The following TRHDE variants were observed in gnomAD, a reference collection of about 807,000 sequenced individuals.
TRHDE encodes the protein thyrotropin releasing hormone degrading enzyme.
In TRHDE, 72 loss-of-function variants were observed where a neutral mutation model predicts 125.7. The ratio of observed to expected loss-of-function variants is 0.57; its 90% confidence interval spans 0.47 to 0.70. The LOEUF is 0.70. Ranked by LOEUF, TRHDE falls within the 30% of genes least tolerant of loss-of-function variation. The pLI, the probability that TRHDE is intolerant of heterozygous loss-of-function variation, is 0.00. For synonymous variants in TRHDE, 509 were observed against 509.1 expected (o/e 1.00, Z 0.00); for missense variants, 1,110 against 1,327.1 (o/e 0.84, Z 2.54).
intron 3 of TRHDE, among the ~76,000 whole-genome samples, chr12:72,433,247 T>C (rs1460103652): frequency 1.3e-5 from 2 of 152,166 alleles, no homozygotes; most frequent in African/African-American, 4.8e-5. Context: ...GAGATGTTGA[T>C]CTATACATTT....
Position 72,212,137 on chromosome 12 carries a change from AT to A in TRHDE, n.279+106393del, listed in dbSNP as rs910166575. Among the ~76,000 whole-genome samples the A allele has an allele frequency of 9.9e-5, 15 of 151,404 alleles. No individual in the cohort carries two copies. In the East Asian group the frequency reaches 1.5e-3, roughly 16 times the overall value. ...TAGAATTATGAATGTATTTTGTTTTATTTTTTTTCATGTACATATTTTCTGA... is the reference window on the plus strand; with the variant it reads ...TAGAATTATGAATGTATTTTGTTTTATTTTTTTCATGTACATATTTTCTGA... On this transcript the variant is annotated intron_variant and non_coding_transcript_variant, in intron 2 of 4. Coordinates refer to the TRHDE transcript ENST00000548156.
intron 8 of TRHDE, 53 bp downstream of exon 8, chr12:72,562,283 C>A: frequency 2.1e-6 from 2 of 956,054 alleles, no homozygotes; most frequent in Non-Finnish European, 3.2e-6. Flanking sequence ...ATTTGAATTG[C>A]ATTTATAAGA....
At chr12:72,541,198 T>G (rs1345606137) in intron 6 of TRHDE, among the ~76,000 whole-genome samples, 1 of 151,596 alleles carries the variant, frequency 6.6e-6, no homozygotes, top group East Asian at 1.9e-4. Flanking sequence ...TGTGTAGTCA[T>G]AAAGCAATTT....
intron 7 of TRHDE, among the ~76,000 whole-genome samples, chr12:72,543,291 T>G: frequency 6.6e-6 from 1 of 151,526 alleles, no homozygotes; most frequent in East Asian, 1.9e-4. Context: ...TGACAAACTC[T>G]CTCTCTATAC....
intron 15 of TRHDE, among the ~76,000 whole-genome samples, chr12:72,625,695 A>G (rs1417085022): frequency 6.6e-6 from 1 of 151,786 alleles, no homozygotes; most frequent in Non-Finnish European, 1.5e-5. Context: ...TTTTTATTTT[A>G]CCAAAACCAA....
chr12:72,225,353 C>T (rs531555947), intron 2 of TRHDE, among the ~76,000 whole-genome samples: 28 of 152,102 alleles, frequency 1.8e-4, no homozygotes, highest in Non-Finnish European at 3.4e-4. Context: ...ATATTTATCA[C>T]CATTATGTAT....
intron 3 of TRHDE, among the ~76,000 whole-genome samples, chr12:72,427,201 A>G (rs889526742): frequency 2.0e-5 from 3 of 151,954 alleles, no homozygotes; most frequent in African/African-American, 7.3e-5. Flanking sequence ...TAGTTTGCCA[A>G]CCCCTGATCT....
At chr12:72,633,776 A>G (rs1164111392) in intron 15 of TRHDE, among the ~76,000 whole-genome samples, 1 of 152,128 alleles carries the variant, frequency 6.6e-6, no homozygotes, top group Non-Finnish European at 1.5e-5. Flanking sequence ...ATACTAGTAA[A>G]GTTAGGTGGG....
intron 12 of TRHDE, among the ~76,000 whole-genome samples, chr12:72,611,810 T>C (rs969161146): frequency 2.0e-4 from 30 of 152,318 alleles, no homozygotes; most frequent in African/African-American, 7.0e-4. Flanking sequence ...AATTTACCTC[T>C]TAATAGAATG....
At chr12:72,380,877 T>TCCTTC (rs1247464082) in intron 3 of TRHDE, among the ~76,000 whole-genome samples, 26 of 143,172 alleles carry the variant, frequency 1.8e-4, no homozygotes, top group African/African-American at 6.6e-4. Context: ...CTCTCTCTCT[T>TCCTTC]CTTTCTTTCT....
intron 1 of TRHDE, among the ~76,000 whole-genome samples, chr12:72,280,836 C>T (rs1325805403): frequency 6.6e-6 from 1 of 152,194 alleles, no homozygotes; most frequent in African/African-American, 2.4e-5. Flanking sequence ...AGATATTGTT[C>T]CTAAGACTTT....
chr12:72,360,616 T>C (rs1264416005), intron 2 of TRHDE, among the ~76,000 whole-genome samples: 1 of 151,750 alleles, frequency 6.6e-6, no homozygotes, highest in African/African-American at 2.4e-5. Flanking sequence ...GCAGGGCTTG[T>C]ACTGGTAAGA....
intron 3 of TRHDE, among the ~76,000 whole-genome samples, chr12:72,421,417 T>C (rs1482997077): frequency 6.6e-6 from 1 of 152,144 alleles, no homozygotes; most frequent in African/African-American, 2.4e-5. Flanking sequence ...GGTCTCTCCA[T>C]GCGGTTTGAC....
intron 8 of TRHDE, among the ~76,000 whole-genome samples, chr12:72,562,634 A>T (rs529875585): frequency 6.6e-6 from 1 of 152,154 alleles, no homozygotes; most frequent in Admixed American, 6.5e-5. Flanking sequence ...ATGTTATGTA[A>T]AAACTTTAAT....
intron 3 of TRHDE, among the ~76,000 whole-genome samples, chr12:72,418,076 T>C (rs557189501): frequency 1.3e-5 from 2 of 152,180 alleles, no homozygotes; most frequent in East Asian, 1.9e-4. Context: ...TCCTACTTTA[T>C]TAATTCTTGC....
chr12:72,571,036 A>C (rs1870707827), intron 10 of TRHDE, among the ~76,000 whole-genome samples: 1 of 152,200 alleles, frequency 6.6e-6, no homozygotes, highest in Non-Finnish European at 1.5e-5. Context: ...AGAGGCATCT[A>C]AAGGACTGAG....
chr12:72,518,501 G>T (rs1199715637), intron 6 of TRHDE, among the ~76,000 whole-genome samples: 2 of 152,114 alleles, frequency 1.3e-5, no homozygotes, highest in Non-Finnish European at 2.9e-5. Context: ...TTGCTTGGTA[G>T]ATCTTCCTCC....
chr12:72,436,406 AC>A (rs1874747647), intron 3 of TRHDE, among the ~76,000 whole-genome samples: 3 of 151,828 alleles, frequency 2.0e-5, no homozygotes, highest in African/African-American at 7.3e-5. Context: ...TGGTTTTTAG[AC>A]TGATTTGATT....
chr12:72,636,287 T>G (rs1873746963), intron 15 of TRHDE, among the ~76,000 whole-genome samples: 1 of 150,454 alleles, frequency 6.6e-6, no homozygotes, highest in African/African-American at 2.4e-5. Context: ...AGTTCACTCA[T>G]GATTTGGCTC....
Sources: allele counts gnomAD v4.1 joint callset (sites outside exome capture counted in the v4.1 genomes callset), GRCh38; gene constraint gnomAD v4.1.1; transcripts MANE v1.5; gene names NCBI Gene and HGNC (gene_info 2026-07-23, HGNC 2026-07-21).